Variants in FBLN2 observed in about 807,000 individuals in gnomAD.
FBLN2 encodes fibulin-2.
In FBLN2, 81 loss-of-function variants were observed where a neutral mutation model predicts 123.7. The ratio of observed to expected loss-of-function variants is 0.65; its 90% CI spans 0.55 to 0.79. The LOEUF (loss-of-function observed/expected upper bound fraction) is 0.79. Ranked by LOEUF, FBLN2 falls within the 30% of genes least tolerant of loss-of-function variation. FBLN2 has a pLI of 0.00. For missense variants in FBLN2, 1,603 were observed against 1,681.3 expected (o/e 0.95, Z 0.81); for synonymous variants, 699 against 701.4 (o/e 1.00, Z 0.05).
At chr3:13,577,898 C>G (rs577827599) in intron 2 of FBLN2, among the ~76,000 whole-genome samples, 90 of 152,368 alleles carry the variant, frequency 5.9e-4, no homozygotes, top group African/African-American at 2.1e-3. Context: ...TGGAGATACT[C>G]TGCATGGACA....
At chr3:13,617,939 C>T (rs1304727486) in intron 5 of FBLN2, 137 bp from the exon 6 acceptor site, 4 of 747,128 alleles carry the variant, frequency 5.4e-6, no homozygotes, top group Non-Finnish European at 9.1e-6. Flanking sequence ...TCCATCCATC[C>T]TGCTTCATCC....
chr3:13,571,350 C>A lies in FBLN2; in HGVS notation c.995C>A (p.Ala332Asp), dbSNP rs1251712203. 6.2e-7 allele frequency: 1 copy of A among 1,611,364 alleles called. No individual in the cohort carries two copies. Among genetic ancestry groups the A allele is most frequent in the Non-Finnish European group, 8.5e-7 (1 of 1,179,012 alleles). ...GCAGAAGCTGGGGCAAGGGCAGAAG[C>A]TGGGGCAAGGCCTGAAGAGAACCTC... ...ERAEAGARAE[A>D]GARPEENLIL... Residue 332 changes from alanine to aspartate, a missense_variant, in exon 2 of 18, where the codon GCT becomes GAT. Ala to Asp is a moderately radical substitution (Grantham distance 126). Transcript: ENST00000404922.
At chr3:13,611,409 C>G (rs888595292) in intron 4 of FBLN2, among the ~76,000 whole-genome samples, 1 of 152,164 alleles carries the variant, frequency 6.6e-6, no homozygotes, top group African/African-American at 2.4e-5. Flanking sequence ...TGAAACTGTT[C>G]CCATTAAACA....
intron 1 of FBLN2, among the ~76,000 whole-genome samples, chr3:13,569,430 G>A (rs956530862): frequency 1.3e-5 from 2 of 152,090 alleles, no homozygotes; most frequent in African/African-American, 2.4e-5. Context: ...GGGAGGTGGC[G>A]GGGCTGTTCC....
chr3:13,592,442 CGTT>C (rs1559411140), intron 2 of FBLN2, among the ~76,000 whole-genome samples: 1 of 152,162 alleles, frequency 6.6e-6, no homozygotes, highest in Non-Finnish European at 1.5e-5. Context: ...AGTTTTCCAG[CGTT>C]GTTCTTCTTT....
chr3:13,610,129 GT>G (rs1705342563), intron 4 of FBLN2, among the ~76,000 whole-genome samples: 1 of 152,222 alleles, frequency 6.6e-6, no homozygotes, highest in Admixed American at 6.5e-5. Flanking sequence ...AATGCCCGGG[GT>G]GGGGGATGTC....
intron 1 of FBLN2, among the ~76,000 whole-genome samples, chr3:13,564,770 C>T (rs78191838): frequency 0.016 from 2,474 of 152,348 alleles, 64 homozygotes; most frequent in African/African-American, 0.056. Flanking sequence ...CTTGACCTTC[C>T]AGTGTCCTCG....
In FBLN2 at chr3:13,631,435, G is replaced by C. The variant is rs373014299; in HGVS notation, c.3192G>C (p.Thr1064=). The C allele has an allele frequency of 6.3e-7, 1 of 1,595,724 alleles. No homozygotes were observed. The highest frequency in any genetic ancestry group is 8.5e-7 in the Non-Finnish European group (1 of 1,171,404). Residue 1064 remains threonine, a synonymous_variant, in exon 16 of 18, where the codon ACG becomes ACC. Transcript: ENST00000404922. ...GCCCTGAGCAGGGCTACACCATGAC[G>C]GCCAACGGGAGGTCCTGCAAGGGTG... is the stretch of plus-strand genomic sequence containing the variant. The part of the protein sequence containing the change: ...CACPEQGYTM[T]ANGRSCKDVD...
chr3:13,567,242 A>G (rs1703776105), intron 1 of FBLN2, among the ~76,000 whole-genome samples: 1 of 152,206 alleles, frequency 6.6e-6, no homozygotes, highest in Non-Finnish European at 1.5e-5. Flanking sequence ...AAGAAGTTCT[A>G]GGACAGCCCT....
At chr3:13,549,690 A>C (rs1559394546) in intron 1 of FBLN2, among the ~76,000 whole-genome samples, 1 of 149,492 alleles carries the variant, frequency 6.7e-6, no homozygotes, top group Non-Finnish European at 1.5e-5. Flanking sequence ...ATCACCCCCA[A>C]GTCACACTCA....
chr3:13,594,780 G>A (rs1001492890), intron 2 of FBLN2, among the ~76,000 whole-genome samples: 6 of 152,148 alleles, frequency 3.9e-5, no homozygotes, highest in African/African-American at 1.4e-4. Flanking sequence ...CCCAGAGCCC[G>A]GGCTCCCAGG....
At chr3:13,617,825 CACCCATCCATCT>C (rs1243116834) in intron 5 of FBLN2, among the ~76,000 whole-genome samples, 4 of 148,532 alleles carry the variant, frequency 2.7e-5, no homozygotes, top group African/African-American at 7.5e-5. Context: ...CCCATCCATC[CACCCATCCATCT>C]ACCCATCCAT....
chr3:13,576,146 GT>G (rs1553617698), intron 2 of FBLN2, among the ~76,000 whole-genome samples: 1 of 152,182 alleles, frequency 6.6e-6, no homozygotes, highest in Non-Finnish European at 1.5e-5. Flanking sequence ...TTTGCACATG[GT>G]CCATGCCCAG....
chr3:13,560,925 C>T lies in FBLN2; in HGVS notation c.-41-9390C>T, dbSNP rs149778436. Among the ~76,000 whole-genome samples the T allele has an allele frequency of 2.3e-3, 352 of 152,048 alleles. 2 individuals are homozygous for T. Among genetic ancestry groups the T allele is most frequent in the South Asian group, 8.3e-3 (40 of 4,800 alleles). On this transcript the variant is annotated intron_variant, in intron 1 of 17. Coordinates refer to ENST00000404922, the MANE Select transcript of FBLN2 (RefSeq NM_001004019.2). ...AACTCCTGGGCTCCAGTAATCCTCC[C>T]GCCTCAGCCTCCCAAGTAGCTAGAT... is the stretch of plus-strand genomic sequence containing the variant.
In FBLN2 at chr3:13,606,320, G is replaced by A. The variant is rs117619199; in HGVS notation, c.1307-1742G>A. ...TCCAGAAACATTTCTTAATATGTCA[G>A]CAGTCTATTATATGTGTACATGGAG... On this transcript the variant is annotated intron_variant, in intron 2 of 17. Coordinates refer to ENST00000404922, the MANE Select transcript of FBLN2 (RefSeq NM_001004019.2). Among the ~76,000 whole-genome samples the A allele has an allele frequency of 8.5e-5, 13 of 152,302 alleles. No individual in the cohort carries two copies. In the East Asian group the frequency reaches 2.1e-3, roughly 25 times the overall value.
intron 2 of FBLN2, among the ~76,000 whole-genome samples, chr3:13,597,458 C>T (rs968214447): frequency 1.3e-5 from 2 of 152,204 alleles, no homozygotes; most frequent in Non-Finnish European, 2.9e-5. Context: ...TACCCCCGAA[C>T]AATCTTGCTT....
At chr3:13,563,188 T>C (rs894360463) in intron 1 of FBLN2, among the ~76,000 whole-genome samples, 1 of 152,224 alleles carries the variant, frequency 6.6e-6, no homozygotes, top group Admixed American at 6.5e-5. Context: ...GTTTCTAGGA[T>C]CAGGCTGTCT....
chr3:13,577,868 A>G (rs1704200489), intron 2 of FBLN2, among the ~76,000 whole-genome samples: 1 of 152,248 alleles, frequency 6.6e-6, no homozygotes, highest in Non-Finnish European at 1.5e-5. Context: ...AGAAACAGCA[A>G]GTTTCACCCT....
chr3:13,621,209 C>T (rs768270147), intron 8 of FBLN2, among the ~76,000 whole-genome samples: 7 of 152,258 alleles, frequency 4.6e-5, no homozygotes, highest in East Asian at 3.8e-4. Flanking sequence ...TGCGGAGGAG[C>T]GCTGCTCAAC....
Sources: gnomAD v4.1 joint callset for allele counts (sites outside exome capture counted in the v4.1 genomes callset) on GRCh38, gnomAD v4.1.1 for gene constraint, MANE v1.5 for transcripts, NCBI Gene and HGNC (gene_info 2026-07-23, HGNC 2026-07-21) for gene names.